The following HCRTR2 variants were observed in gnomAD, a reference collection of about 807,000 sequenced individuals.
HCRTR2 encodes hypocretin receptor 2.
In HCRTR2, 22 loss-of-function variants were observed where a neutral mutation model predicts 49.0. That is an observed-to-expected ratio of 0.45 (90% CI 0.32 to 0.64). The LOEUF is 0.64. Ranked by LOEUF, HCRTR2 falls within the 30% of genes least tolerant of loss-of-function variation. The pLI is 0.04. For missense variants in HCRTR2, 491 were observed against 559.4 expected (o/e 0.88, Z 1.23); for synonymous variants, 236 against 205.3 (o/e 1.15, Z -1.28).
chr6:55,245,726 C>A (rs77680302), intron 1 of HCRTR2, among the ~76,000 whole-genome samples: 11,349 of 151,194 alleles, frequency 0.075, 741 homozygotes, highest in East Asian at 0.25. Context: ...AATGAAAAGC[C>A]CATAAGTTTC....
chr6:55,283,237 T>C (rs1455108729), downstream of HCRTR2, among the ~76,000 whole-genome samples: 5 of 152,194 alleles, frequency 3.3e-5, no homozygotes, highest in African/African-American at 1.2e-4. Context: ...TGCACCACTG[T>C]GCTAGGTGCT....
intron 1 of HCRTR2, among the ~76,000 whole-genome samples, chr6:55,167,134 A>G (rs1380684380): frequency 6.6e-6 from 1 of 152,196 alleles, no homozygotes; most frequent in African/African-American, 2.4e-5. Flanking sequence ...CAAAATGGTT[A>G]AAACATTACT....
upstream of HCRTR2, among the ~76,000 whole-genome samples, chr6:55,171,248 T>G (rs1276130960): frequency 6.6e-6 from 1 of 152,182 alleles, no homozygotes; most frequent in East Asian, 1.9e-4. Flanking sequence ...CACCTGTTGT[T>G]TCCTGACTTT....
chr6:55,252,195 A>C (rs1766562927), intron 2 of HCRTR2, among the ~76,000 whole-genome samples: 1 of 152,128 alleles, frequency 6.6e-6, no homozygotes, highest in Non-Finnish European at 1.5e-5. Flanking sequence ...TTCTACTGTT[A>C]GATACATCAC....
At chr6:55,220,464 A>G (rs1581837546) in intron 1 of HCRTR2, among the ~76,000 whole-genome samples, 1 of 152,198 alleles carries the variant, frequency 6.6e-6, no homozygotes, top group East Asian at 1.9e-4. Flanking sequence ...TCACATGATA[A>G]TCTCTATAAA....
chr6:55,267,554 T>C (rs1307183399), intron 4 of HCRTR2, among the ~76,000 whole-genome samples: 1 of 152,128 alleles, frequency 6.6e-6, no homozygotes, highest in African/African-American at 2.4e-5. Flanking sequence ...TTCATATAAT[T>C]CAACACTAAA....
rs1766490744 is a variant in HCRTR2 at position 55,248,637 on chromosome 6, A to C, written c.224-2A>C. 6.2e-7 allele frequency: 1 copy of C among 1,611,344 alleles called. No homozygotes were observed. The highest frequency in any genetic ancestry group is 1.7e-5 in the Admixed American group (1 of 59,898). On this transcript the variant is annotated splice_acceptor_variant, in intron 1 of 6. Coordinates refer to ENST00000370862, the MANE Select transcript of HCRTR2 (RefSeq NM_001384272.1). LOFTEE classifies it high-confidence loss of function. ...GCCTATTCCTTTTTCTTTTCAAATT[A>C]GTTTGTGTGGCAGTGTGGAAGAACC... is the stretch of plus-strand genomic sequence containing the variant.
At chr6:55,165,777 A>ATATATATATATG in intron 1 of HCRTR2, among the ~76,000 whole-genome samples, 1 of 52,912 alleles carries the variant, frequency 1.9e-5, no homozygotes, top group Non-Finnish European at 5.2e-5. Context: ...ATATATATAT[A>ATATATATATATG]TATATATATA....
chr6:55,156,590 C>T (rs1046647641), intron 1 of HCRTR2, among the ~76,000 whole-genome samples: 5 of 151,746 alleles, frequency 3.3e-5, no homozygotes, highest in Admixed American at 2.0e-4. Flanking sequence ...CACACACACA[C>T]AAGCACACAC....
chr6:55,222,544 A>T (rs1765919173), intron 1 of HCRTR2, among the ~76,000 whole-genome samples: 1 of 152,192 alleles, frequency 6.6e-6, no homozygotes, highest in African/African-American at 2.4e-5. Context: ...TGAAATATAT[A>T]ATGACAGATG....
At chr6:55,263,967 G>C in intron 4 of HCRTR2, 145 bp downstream of exon 4, 2 of 671,876 alleles carry the variant, frequency 3.0e-6, no homozygotes, top group Non-Finnish European at 5.4e-6. Flanking sequence ...AATATAACAT[G>C]TTCATAAAAG....
At chr6:55,244,369 A>C (rs1456358328) in intron 1 of HCRTR2, among the ~76,000 whole-genome samples, 1 of 152,010 alleles carries the variant, frequency 6.6e-6, no homozygotes, top group African/African-American at 2.4e-5. Context: ...GATAAAACAT[A>C]TAGGAGTACA....
At chr6:55,179,745 A>C (rs934480681) in intron 1 of HCRTR2, among the ~76,000 whole-genome samples, 1 of 152,210 alleles carries the variant, frequency 6.6e-6, no homozygotes, top group Admixed American at 6.5e-5. Context: ...TCTTGATTGT[A>C]GTAGTGCCTA....
chr6:55,155,746 A>C (rs960648877), intron 1 of HCRTR2, among the ~76,000 whole-genome samples: 1 of 152,036 alleles, frequency 6.6e-6, no homozygotes, highest in Non-Finnish European at 1.5e-5. Flanking sequence ...GTGACAAAAA[A>C]ATCAGATTGA....
intron 1 of HCRTR2, among the ~76,000 whole-genome samples, chr6:55,155,619 T>C (rs1241838560): frequency 1.3e-5 from 2 of 152,038 alleles, no homozygotes; most frequent in Admixed American, 6.6e-5. Context: ...TCCCAAGGCC[T>C]AAGAGCTATT....
chr6:55,184,438 C>T (rs1765183599), intron 1 of HCRTR2, among the ~76,000 whole-genome samples: 1 of 152,168 alleles, frequency 6.6e-6, no homozygotes, highest in Admixed American at 6.5e-5. Flanking sequence ...TTTGGCCTCA[C>T]ACTGAAACAC....
chr6:55,134,944 A>G (rs4566887), intron 1 of HCRTR2, among the ~76,000 whole-genome samples: 152,085 of 152,130 alleles, frequency 1, 76,020 homozygotes, highest in Middle Eastern at 1. Flanking sequence ...TAATACTGTG[A>G]TGAACATGGA....
intron 1 of HCRTR2, among the ~76,000 whole-genome samples, chr6:55,195,120 A>G (rs76518362): frequency 0.011 from 1,707 of 152,268 alleles, 34 homozygotes; most frequent in African/African-American, 0.039. Context: ...GAAAAAAATG[A>G]ATGAAGAGGA....
intron 1 of HCRTR2, among the ~76,000 whole-genome samples, chr6:55,240,470 C>T (rs938478210): frequency 9.2e-5 from 14 of 151,560 alleles, no homozygotes; most frequent in Non-Finnish European, 1.3e-4. Context: ...CTCCATCCGT[C>T]AGCGTTGTAA....
Sources: allele counts gnomAD v4.1 joint callset (sites outside exome capture counted in the v4.1 genomes callset), GRCh38; gene constraint gnomAD v4.1.1; transcripts MANE v1.5; gene names NCBI Gene and HGNC (gene_info 2026-07-23, HGNC 2026-07-21).